Variants in EIF3D observed in about 807,000 individuals in gnomAD.
The protein encoded by EIF3D is eukaryotic translation initiation factor 3 subunit D.
EIF3D carries 10 observed loss-of-function variants against 75.4 expected under a neutral mutation model. The observed-to-expected ratio is 0.13, with a 90% confidence interval of 0.08 to 0.22. The LOEUF (loss-of-function observed/expected upper bound fraction) is 0.22, where lower values mean the gene tolerates loss of function less well. Among genes scored for constraint, EIF3D ranks in the 10% least tolerant of loss-of-function variants. The probability of loss-of-function intolerance (pLI) is 1.00; values close to 1 mark genes in which losing one functional copy is unlikely to be tolerated. For synonymous variants in EIF3D, 246 were observed against 248.3 expected (o/e 0.99, Z 0.09); for missense variants, 394 against 708.0 (o/e 0.56, Z 5.03).
chr22:36,526,505 G>A (rs1175296736), intron 1 of EIF3D, among the ~76,000 whole-genome samples: 1 of 152,066 alleles, frequency 6.6e-6, no homozygotes, highest in East Asian at 1.9e-4. Context: ...TTGATAAAAT[G>A]TCCTAATGTT....
chr22:36,527,418 T>TA (rs1452897255), intron 1 of EIF3D, among the ~76,000 whole-genome samples: 8 of 152,326 alleles, frequency 5.3e-5, no homozygotes, highest in South Asian at 2.1e-4. Flanking sequence ...TCTTGGGAAT[T>TA]AAAAAACCGG....
chr22:36,528,551 GGTTGGCAGGCCACTACAGATCATA>G (rs1390749095), intron 1 of EIF3D, among the ~76,000 whole-genome samples: 1 of 147,396 alleles, frequency 6.8e-6, no homozygotes, highest in Non-Finnish European at 1.5e-5. Context: ...GGGGCTCTGT[GGTTGGCAGGCCACTACAGATCATA>G]AGCCGTCCAT....
chr22:36,514,646 G>C (rs1272987513), intron 12 of EIF3D, among the ~76,000 whole-genome samples: 1 of 152,188 alleles, frequency 6.6e-6, no homozygotes, highest in African/African-American at 2.4e-5. Flanking sequence ...TAGGAGCCAA[G>C]AGAGGCTCCC....
chr22:36,523,926 T>G lies in EIF3D; in HGVS notation c.361A>C (p.Ile121Leu). 6.2e-7 allele frequency: 1 copy of G among 1,614,158 alleles called. No individual in the cohort carries two copies. Among genetic ancestry groups the G allele is most frequent in the Non-Finnish European group, 8.5e-7 (1 of 1,180,022 alleles). ...TTCTGTTTGGCACTCTTAGGCAGGA[T>G]CTGCAGGTTGAACTGCAACATGTTC... ...RRNMLQFNLQILPKSAKQKER... is the reference protein window; with the variant it reads ...RRNMLQFNLQLLPKSAKQKER... The change falls in exon 5 of 15, where the codon ATC becomes CTC. Residue 121 changes from isoleucine (I) to leucine (L), a missense_variant. By Grantham distance (5) the Ile-to-Leu change is conservative. Coordinates refer to ENST00000216190, the MANE Select transcript of EIF3D (RefSeq NM_003753.4).
chr22:36,515,895 G>C (rs866944804), intron 12 of EIF3D, among the ~76,000 whole-genome samples: 2 of 150,784 alleles, frequency 1.3e-5, no homozygotes, highest in African/African-American at 4.9e-5. Context: ...TGATGTGGGC[G>C]GGGGGGCGGA....
intron 8 of EIF3D, 58 bp from the exon 9 acceptor site, chr22:36,518,968 T>C: frequency 6.3e-7 from 1 of 1,594,552 alleles, no homozygotes. Context: ...CACTGCCCAC[T>C]CACATGGATG....
intron 12 of EIF3D, chr22:36,512,858 GACACACAC>G (rs67441722): frequency 1.4e-4 from 47 of 343,420 alleles, no homozygotes; most frequent in South Asian, 2.0e-4. Flanking sequence ...GACACACACG[GACACACAC>G]ACACACACAC....
intron 10 of EIF3D, 65 bp downstream of exon 10, chr22:36,517,236 G>A (rs193093394): frequency 6.2e-7 from 1 of 1,608,578 alleles, no homozygotes; most frequent in African/African-American, 1.3e-5. Flanking sequence ...GCACAAAGCA[G>A]ATGCTCCACA....
At chr22:36,520,410 G>A (rs58009519) in intron 7 of EIF3D, among the ~76,000 whole-genome samples, 166 bp downstream of exon 7, 4,580 of 152,164 alleles carry the variant, frequency 0.03, 251 homozygotes, top group African/African-American at 0.11. Context: ...CACTGCACCT[G>A]GCCGGTCTTG....
chr22:36,512,885 G>C, intron 12 of EIF3D: 1 of 346,004 alleles, frequency 2.9e-6, no homozygotes, highest in African/African-American at 2.1e-5. Context: ...ACACACTTTA[G>C]AAGTGTCATA....
Position 36,511,541 on chromosome 22 carries a change from T to A in EIF3D, c.1595A>T (p.Asp532Val). Residue 532 changes from aspartate (D) to valine (V), a missense_variant, in exon 14 of 15, where the codon GAT becomes GTT. Asp to Val is a radical substitution (Grantham distance 152, BLOSUM62 -3). Coordinates refer to ENST00000216190, the MANE Select transcript of EIF3D (RefSeq NM_003753.4). The part of the protein sequence containing the change: ...LPDGTFSSDE[D>V]EEEEEEEEEE... ...TTCTTCCTCCTCCTCTTCCTCCTCA[T>A]CTTCATCAGAGCTGAAGGTGCCATC... 1 of 1,613,966 alleles carries A rather than the reference T, an allele frequency of 6.2e-7. No homozygotes were observed. Among genetic ancestry groups the A allele is most frequent in the Non-Finnish European group, 8.5e-7 (1 of 1,179,910 alleles).
intron 6 of EIF3D, among the ~76,000 whole-genome samples, chr22:36,521,897 A>C (rs1934520219): frequency 6.6e-6 from 1 of 152,040 alleles, no homozygotes; most frequent in Non-Finnish European, 1.5e-5. Context: ...AGATCGCGCC[A>C]CTGGCACTGC....
intron 5 of EIF3D, 27 bp from the exon 6 acceptor site, chr22:36,523,308 TGCA>T: frequency 8.8e-6 from 14 of 1,590,852 alleles, no homozygotes; most frequent in Non-Finnish European, 1.2e-5. Context: ...ATGATCTCAG[TGCA>T]GACCTTTAAA....
At chr22:36,526,302 A>G (rs1239648958) in intron 1 of EIF3D, among the ~76,000 whole-genome samples, 171 bp from the exon 2 acceptor site, 1 of 152,236 alleles carries the variant, frequency 6.6e-6, no homozygotes, top group African/African-American at 2.4e-5. Flanking sequence ...TATACTGTGA[A>G]TATGTACTTA....
In EIF3D at chr22:36,513,926, C is replaced by T. The variant is rs550101418; in HGVS notation, c.1207-1324G>A. 5.3e-5 allele frequency among the ~76,000 whole-genome samples: 8 copies of T among 152,152 alleles called. No homozygotes were observed. The East Asian group carries it at 1.4e-3, about 26-fold the overall frequency. On this transcript the variant is annotated intron_variant, in intron 12 of 14. Transcript: ENST00000216190. ...AAGCGTGTATTGGACAATTGACTGG[C>T]GGAGATAAATCAAATATAGAAGTTG...
intron 13 of EIF3D, among the ~76,000 whole-genome samples, 154 bp from the exon 14 acceptor site, chr22:36,511,940 G>C (rs1234375327): frequency 6.7e-6 from 1 of 148,302 alleles, no homozygotes; most frequent in East Asian, 1.9e-4. Flanking sequence ...GCCCAGGCTG[G>C]AGTGCAGTGG....
In EIF3D at chr22:36,520,536, C is replaced by A. The variant is rs373238372; in HGVS notation, c.578+40G>T. Reference sequence around the variant, plus strand: ...TACCCATCACCAGCTGGTCCACACACATAAGAGCAGTGTAGAAAGTAGTAA... The same window carrying A: ...TACCCATCACCAGCTGGTCCACACAAATAAGAGCAGTGTAGAAAGTAGTAA... On this transcript the variant is annotated intron_variant, in intron 7 of 14. Transcript: ENST00000216190. 1.5e-5 allele frequency: 21 copies of A among 1,434,866 alleles called. No homozygotes were observed. The African/African-American group carries it at 2.5e-4, about 17-fold the overall frequency. 88.9% of individuals were successfully genotyped at this position (1,434,866 alleles called of 1,614,324 possible). A position where few individuals can be genotyped will look rare whatever the true frequency, so the allele number is the denominator to read the frequency against.
intron 12 of EIF3D, among the ~76,000 whole-genome samples, chr22:36,514,988 T>C (rs565991853): frequency 2.0e-5 from 3 of 150,514 alleles, no homozygotes; most frequent in African/African-American, 2.5e-5. Context: ...ACCTCCCCCC[T>C]CTCTTTCTCC....
At chr22:36,527,939 G>A (rs1344824286) in intron 1 of EIF3D, among the ~76,000 whole-genome samples, 1 of 152,216 alleles carries the variant, frequency 6.6e-6, no homozygotes, top group Non-Finnish European at 1.5e-5. Flanking sequence ...ACATTTGGGT[G>A]ACAGCAACAC....
Sources: allele counts gnomAD v4.1 joint callset (sites outside exome capture counted in the v4.1 genomes callset), GRCh38; gene constraint gnomAD v4.1.1; transcripts MANE v1.5; gene names NCBI Gene and HGNC (gene_info 2026-07-23, HGNC 2026-07-21).